SLC22A23: variants seen among roughly 807,000 people sequenced by gnomAD.
SLC22A23 encodes solute carrier family 22 member 23.
SLC22A23 carries 26 observed loss-of-function variants against 61.0 expected under a neutral mutation model. The observed-to-expected ratio is 0.43, with a 90% CI of 0.31 to 0.59. The LOEUF (loss-of-function observed/expected upper bound fraction) is 0.59. Among genes scored for constraint, SLC22A23 ranks in the 20% least tolerant of loss-of-function variants. The probability of loss-of-function intolerance (pLI) is 0.11; values close to 1 mark genes in which losing one functional copy is unlikely to be tolerated. For synonymous variants in SLC22A23, 430 were observed against 413.9 expected (o/e 1.04, Z -0.47); for missense variants, 796 against 934.7 (o/e 0.85, Z 1.94).
In SLC22A23 at chr6:3,348,696, A is replaced by G. The variant is rs562059654; in HGVS notation, c.914-24694T>C. ...ACCTGAGGCCAGATACTTCACCCCT[A>G]GCGGCTGCTCATTCAACCCAAGATC... On this transcript the variant is annotated intron_variant, in intron 3 of 9. Coordinates refer to ENST00000406686, the MANE Select transcript of SLC22A23 (RefSeq NM_015482.2). Among the ~76,000 whole-genome samples, 165 of 152,280 alleles carry G rather than the reference A, an allele frequency of 1.1e-3. 1 individual carries two copies. The Middle Eastern group carries it at 0.027, about 25-fold the overall frequency.
chr6:3,438,141 C>T (rs76424034), intron 1 of SLC22A23, among the ~76,000 whole-genome samples: 427 of 152,220 alleles, frequency 2.8e-3, no homozygotes, highest in Middle Eastern at 0.017. Context: ...CATTGACAGC[C>T]GTGTGCTAGA....
At chr6:3,276,742 C>T (rs754189020) in intron 9 of SLC22A23, 2 of 152,234 alleles carry the variant, frequency 1.3e-5, no homozygotes, top group South Asian at 2.1e-4. Context: ...ACAGGGTCTT[C>T]GTTAATGTTT....
At chr6:3,323,436 G>A (rs1763083245) in intron 4 of SLC22A23, 2 of 426,004 alleles carry the variant, frequency 4.7e-6, no homozygotes. Flanking sequence ...GAAGAGATAG[G>A]GGGACTTTTG....
Position 3,324,963 on chromosome 6 carries a change from G to A in SLC22A23, c.914-961C>T, listed in dbSNP as rs2127401416. Reference sequence around the variant, plus strand: ...ATCACCATAATGAAAGCCCTTTATAGTAGAAAAAGCAGCTGGGTTTTATAT... The same window carrying A: ...ATCACCATAATGAAAGCCCTTTATAATAGAAAAAGCAGCTGGGTTTTATAT... On this transcript the variant is annotated intron_variant, in intron 3 of 9. Transcript: ENST00000406686. This position sits in a 1 kb window ranked among gnomAD's most constrained non-coding sequence, Gnocchi z 4.3. 6.6e-6 allele frequency among the ~76,000 whole-genome samples: 1 copy of A among 152,314 alleles called. No homozygotes were observed. The highest frequency in any genetic ancestry group is 3.4e-3 in the Middle Eastern group (1 of 294).
chr6:3,282,552 C>T (rs191893642), intron 9 of SLC22A23, among the ~76,000 whole-genome samples: 1 of 152,356 alleles, frequency 6.6e-6, no homozygotes, highest in East Asian at 1.9e-4. Flanking sequence ...CCCAGCTTAG[C>T]CTCCACATAG....
chr6:3,434,308 GTAAA>G (rs112412183), intron 1 of SLC22A23, among the ~76,000 whole-genome samples: 5 of 149,818 alleles, frequency 3.3e-5, no homozygotes, highest in African/African-American at 4.9e-5. Flanking sequence ...GCGAAACTCT[GTAAA>G]TAAATAAATA....
intron 1 of SLC22A23, among the ~76,000 whole-genome samples, chr6:3,435,433 A>C (rs1771143903): frequency 7.1e-6 from 1 of 140,874 alleles, no homozygotes; most frequent in African/African-American, 2.7e-5. Flanking sequence ...CCACACTCCC[A>C]CCCCTGTTCC....
At chr6:3,413,396 G>T (rs184752640) in intron 2 of SLC22A23, among the ~76,000 whole-genome samples, 40 of 152,288 alleles carry the variant, frequency 2.6e-4, no homozygotes, top group Non-Finnish European at 8.8e-5. Context: ...GCCACACTCG[G>T]CCAGGAGCTG....
chr6:3,375,701 T>C (rs945034678), intron 3 of SLC22A23, among the ~76,000 whole-genome samples: 3 of 152,254 alleles, frequency 2.0e-5, no homozygotes, highest in African/African-American at 7.2e-5. Flanking sequence ...TATGACAGGA[T>C]AAGCACTTCT....
intron 4 of SLC22A23, among the ~76,000 whole-genome samples, chr6:3,310,258 C>T (rs1762279572): frequency 1.3e-5 from 2 of 150,208 alleles, no homozygotes; most frequent in South Asian, 4.2e-4. Context: ...CAGGGAGCAC[C>T]CTGTCTCCCA....
intron 4 of SLC22A23, chr6:3,313,358 ATTT>A (rs933567734): frequency 6.6e-6 from 1 of 152,112 alleles, no homozygotes; most frequent in Non-Finnish European, 1.5e-5. Flanking sequence ...TGACCAAGAA[ATTT>A]TTTTTATGTT....
chr6:3,374,843 C>T (rs566947829), intron 3 of SLC22A23, among the ~76,000 whole-genome samples: 1 of 152,292 alleles, frequency 6.6e-6, no homozygotes, highest in East Asian at 1.9e-4. Flanking sequence ...AGTAAGACCT[C>T]AGAGAACCAT....
intron 1 of SLC22A23, among the ~76,000 whole-genome samples, chr6:3,416,845 C>T (rs979137866): frequency 2.0e-5 from 3 of 152,200 alleles, no homozygotes; most frequent in Non-Finnish European, 2.9e-5. Flanking sequence ...AAGAAATTCA[C>T]GCCAATGCAT....
chr6:3,410,193 G>A lies in SLC22A23; in HGVS notation c.908C>T (p.Ala303Val). Reference protein sequence around the residue: ...CLAGIILTLYALRIELCPPGK... With the variant: ...CLAGIILTLYVLRIELCPPGK... ...TCGTGAAGGCTCCTACTTACGTAAA[G>A]CATACAAGGTGAGAATGATTCCAGC... is the stretch of plus-strand genomic sequence containing the variant. The change falls in exon 3 of 10, where the codon GCT becomes GTT. Residue 303 changes from alanine to valine, a missense_variant. By Grantham distance (64) the Ala-to-Val change is moderately conservative. Transcript: ENST00000406686. This position sits in a 1 kb window ranked among gnomAD's most constrained non-coding sequence, Gnocchi z 5.0. The A allele has an allele frequency of 6.2e-7, 1 of 1,610,892 alleles. No individual in the cohort carries two copies. Among genetic ancestry groups the A allele is most frequent in the East Asian group, 2.2e-5 (1 of 44,812 alleles).
chr6:3,347,629 C>A (rs1764517537), intron 3 of SLC22A23, among the ~76,000 whole-genome samples: 1 of 152,118 alleles, frequency 6.6e-6, no homozygotes, highest in African/African-American at 2.4e-5. Context: ...TGTTGGCTAC[C>A]TCCTGGTTCT....
At chr6:3,335,638 A>G (rs1233310504) in intron 3 of SLC22A23, among the ~76,000 whole-genome samples, 1 of 152,192 alleles carries the variant, frequency 6.6e-6, no homozygotes, top group Non-Finnish European at 1.5e-5. Context: ...CACAGCTTGG[A>G]CTGGCAAATA....
chr6:3,368,335 AC>A (rs1337433137), intron 3 of SLC22A23, among the ~76,000 whole-genome samples: 1 of 152,038 alleles, frequency 6.6e-6, no homozygotes, highest in Non-Finnish European at 1.5e-5. Context: ...GTAATTTTCA[AC>A]CTGGGATCCA....
At chr6:3,436,592 C>A (rs771601856) in intron 1 of SLC22A23, among the ~76,000 whole-genome samples, 2 of 152,162 alleles carry the variant, frequency 1.3e-5, no homozygotes, top group African/African-American at 4.8e-5. Flanking sequence ...CGTTACAGGG[C>A]GCACATCCCA....
chr6:3,293,804 T>C (rs113950775), intron 5 of SLC22A23, among the ~76,000 whole-genome samples: 3,966 of 152,278 alleles, frequency 0.026, 197 homozygotes, highest in African/African-American at 0.091. Context: ...CTGAACAGAT[T>C]GTTAAGGCAG....
Sources: allele counts gnomAD v4.1 joint callset (sites outside exome capture counted in the v4.1 genomes callset), GRCh38; gene constraint gnomAD v4.1.1; non-coding constraint Gnocchi (gnomAD v3.1); transcripts MANE v1.5; gene names NCBI Gene and HGNC (gene_info 2026-07-23, HGNC 2026-07-21).